Variants in SNX24 observed in about 807,000 individuals in gnomAD.
SNX24 encodes sorting nexin 24.
SNX24 carries 22 observed loss-of-function variants against 28.7 expected under a neutral mutation model. The ratio of observed to expected loss-of-function variants is 0.77; its 90% CI spans 0.55 to 1.10. The LOEUF is 1.10. SNX24 is among the 50% of genes least tolerant of loss of function. The probability of loss-of-function intolerance (pLI) is 0.00; values close to 1 mark genes in which losing one functional copy is unlikely to be tolerated. For missense variants in SNX24, 221 were observed against 201.1 expected, an observed-to-expected ratio of 1.10 and a Z score of -0.60; for synonymous variants, 69 against 71.5, an observed-to-expected ratio of 0.96 and a Z score of 0.18.
At chr5:122,889,088 A>T (rs903284873) in intron 1 of SNX24, among the ~76,000 whole-genome samples, 1 of 152,142 alleles carries the variant, frequency 6.6e-6, no homozygotes, top group Non-Finnish European at 1.5e-5. Context: ...CCTGATCTCA[A>T]TTGATCTGCC....
intron 2 of SNX24, among the ~76,000 whole-genome samples, chr5:122,945,416 C>G (rs902830301): frequency 6.6e-6 from 1 of 152,170 alleles, no homozygotes; most frequent in Non-Finnish European, 1.5e-5. Context: ...ACAGACAGCT[C>G]TAATGCAACT....
intron 3 of SNX24, among the ~76,000 whole-genome samples, chr5:122,958,760 A>G (rs745694144): frequency 1.1e-4 from 16 of 150,674 alleles, no homozygotes; most frequent in Admixed American, 3.3e-4. Flanking sequence ...GGGTCTTGCT[A>G]TGTTGCCCAG....
chr5:122,981,584 G>T (rs985377367), intron 3 of SNX24, among the ~76,000 whole-genome samples: 17 of 152,206 alleles, frequency 1.1e-4, no homozygotes, highest in African/African-American at 3.4e-4. Context: ...CATGCCCATA[G>T]AATCTACTTT....
At chr5:122,986,468 C>A (rs138061456) in intron 3 of SNX24, among the ~76,000 whole-genome samples, 1 of 152,202 alleles carries the variant, frequency 6.6e-6, no homozygotes, top group Non-Finnish European at 1.5e-5. Flanking sequence ...CTGAAACAAA[C>A]CCAAAGAGTC....
chr5:122,981,930 T>C (rs1356196723), intron 3 of SNX24, among the ~76,000 whole-genome samples: 1 of 152,260 alleles, frequency 6.6e-6, no homozygotes, highest in Middle Eastern at 3.2e-3. Flanking sequence ...TGGAAGGTTA[T>C]GGCTATATCT....
rs769236921 is a variant in SNX24 at position 123,001,945 on chromosome 5, T to C, written c.383T>C (p.Leu128Pro). ...DETESEESSK[L>P]SHQPVLLFLR... ...CCTGTTCTTGACCTTTCCAGCAAAC[T>C]GTCCCACCAGCCTGTGCTGCTGTTC... The change falls in exon 6 of 7, where the codon CTG (leucine) becomes CCG (proline). Residue 128 changes from leucine (L) to proline (P), a missense_variant. Coordinates refer to ENST00000261369, the MANE Select transcript of SNX24 (RefSeq NM_014035.4). 4 of 1,614,150 alleles carry C rather than the reference T, an allele frequency of 2.5e-6. No individual in the cohort carries two copies. Among genetic ancestry groups the C allele is most frequent in the Non-Finnish European group, 8.5e-7 (1 of 1,179,978 alleles).
At chr5:122,889,039 G>C (rs1756836287) in intron 1 of SNX24, among the ~76,000 whole-genome samples, 1 of 152,124 alleles carries the variant, frequency 6.6e-6, no homozygotes, top group African/African-American at 2.4e-5. Context: ...TTTTGGTAGA[G>C]ATGGGGTTTT....
At chr5:122,967,599 A>G (rs1760765151) in intron 3 of SNX24, among the ~76,000 whole-genome samples, 1 of 152,214 alleles carries the variant, frequency 6.6e-6, no homozygotes, top group Non-Finnish European at 1.5e-5. Flanking sequence ...AGCTTTATTA[A>G]TATACCATTT....
At chr5:122,915,201 T>A (rs1170224995) in intron 1 of SNX24, among the ~76,000 whole-genome samples, 1 of 152,182 alleles carries the variant, frequency 6.6e-6, no homozygotes, top group Non-Finnish European at 1.5e-5. Flanking sequence ...TTTGCCCACT[T>A]TCATCTCCAT....
intron 2 of SNX24, 108 bp downstream of exon 2, chr5:122,936,925 A>C: frequency 1.8e-6 from 1 of 547,064 alleles, no homozygotes; most frequent in Non-Finnish European, 3.2e-6. Flanking sequence ...TTGTGTATGT[A>C]TATACATTTT....
intron 1 of SNX24, among the ~76,000 whole-genome samples, chr5:122,908,855 G>A (rs1251430513): frequency 6.6e-6 from 1 of 152,204 alleles, no homozygotes; most frequent in African/African-American, 2.4e-5. Flanking sequence ...GGAATGTCCT[G>A]TGCTGCCTCT....
In SNX24 at chr5:123,001,401, T is replaced by C. The variant is rs774681552; in HGVS notation, c.345-4T>C. 9 of 1,600,290 alleles carry C rather than the reference T, an allele frequency of 5.6e-6. No individual in the cohort carries two copies. The East Asian group carries it at 1.8e-4, about 32-fold the overall frequency. On this transcript the variant is annotated splice_region_variant and splice_polypyrimidine_tract_variant and intron_variant, in intron 4 of 6. Transcript: ENST00000261369. ...TTGTTTTTTTCCTTTTTCAAAACTT[T>C]TAGATCTTTTGATGAAACAGAGTCT...
intron 3 of SNX24, among the ~76,000 whole-genome samples, chr5:122,993,782 T>G (rs1761953931): frequency 6.6e-6 from 1 of 152,202 alleles, no homozygotes; most frequent in East Asian, 1.9e-4. Context: ...TGAGGAGGTA[T>G]TGATTTTTCT....
intron 1 of SNX24, among the ~76,000 whole-genome samples, chr5:122,889,729 A>ATATATATATGTATATATATATGTATGTG (rs1554069824): frequency 6.8e-5 from 1 of 14,630 alleles, no homozygotes; most frequent in East Asian, 0.12. Context: ...ATGTATGTGT[A>ATATATATATGTATATATATATGTATGTG]TATATATATA....
At chr5:122,970,989 T>C (rs1760935478) in intron 3 of SNX24, among the ~76,000 whole-genome samples, 1 of 152,172 alleles carries the variant, frequency 6.6e-6, no homozygotes, top group African/African-American at 2.4e-5. Flanking sequence ...TTTATTAAGA[T>C]GAATTGACTC....
chr5:122,893,162 A>C (rs1257070414), intron 1 of SNX24, among the ~76,000 whole-genome samples: 1 of 107,720 alleles, frequency 9.3e-6, no homozygotes, highest in Non-Finnish European at 1.9e-5. Flanking sequence ...CCATGGCTTA[A>C]AAAAAAAAAA....
chr5:122,998,596 C>A (rs969632369), intron 3 of SNX24, among the ~76,000 whole-genome samples: 1 of 152,132 alleles, frequency 6.6e-6, no homozygotes, highest in African/African-American at 2.4e-5. Flanking sequence ...CTTTAGATGA[C>A]CCCTCTCCAG....
intron 3 of SNX24, among the ~76,000 whole-genome samples, chr5:122,982,332 T>G (rs1298307457): frequency 1.3e-5 from 2 of 152,222 alleles, no homozygotes; most frequent in Non-Finnish European, 2.9e-5. Flanking sequence ...TATTCTGCAT[T>G]TAGCATGTAA....
At chr5:122,859,955 T>C (rs1483499542) in intron 1 of SNX24, among the ~76,000 whole-genome samples, 1 of 152,202 alleles carries the variant, frequency 6.6e-6, no homozygotes, top group Non-Finnish European at 1.5e-5. Context: ...AAGATAAAGA[T>C]TGTAGAGACC....
Sources: allele counts gnomAD v4.1 joint callset (sites outside exome capture counted in the v4.1 genomes callset), GRCh38; gene constraint gnomAD v4.1.1; transcripts MANE v1.5; gene names NCBI Gene and HGNC (gene_info 2026-07-23, HGNC 2026-07-21).